Variants in EPG5 observed in about 807,000 individuals in gnomAD.
EPG5 encodes the protein ectopic P granules protein 5 homolog.
Under a neutral mutation model 302.7 loss-of-function variants are expected in EPG5, and 159 were observed. That is an observed-to-expected ratio of 0.53 (90% CI 0.46 to 0.60). The LOEUF is 0.60. Ranked by LOEUF, EPG5 falls within the 20% of genes least tolerant of loss-of-function variation. The pLI is 0.00. For missense variants in EPG5, 2,896 were observed against 3,092.4 expected (o/e 0.94, Z 1.51); for synonymous variants, 1,158 against 1,136.8 (o/e 1.02, Z -0.37).
intron 10 of EPG5, among the ~76,000 whole-genome samples, chr18:45,937,986 T>C (rs2050575263): frequency 6.6e-6 from 1 of 152,086 alleles, no homozygotes; most frequent in African/African-American, 2.4e-5. Context: ...GATGAGAGCT[T>C]TGCCTCTCCA....
At chr18:45,803,724 G>A in the EPG5 span, among the ~76,000 whole-genome samples, 1 of 151,972 alleles carries the variant, frequency 6.6e-6, no homozygotes, top group Non-Finnish European at 1.5e-5. Context: ...CCTATCTAAG[G>A]GTGAAAGAAC....
intron 36 of EPG5, 130 bp from the exon 37 acceptor site, chr18:45,867,878 C>T (rs2048780690): frequency 1.3e-6 from 1 of 750,558 alleles, no homozygotes; most frequent in South Asian, 1.6e-5. Flanking sequence ...CTTAGAATCC[C>T]ACCTCCTAGA....
At chr18:45,951,617 C>T (rs1237828065) in intron 3 of EPG5, among the ~76,000 whole-genome samples, 1 of 152,126 alleles carries the variant, frequency 6.6e-6, no homozygotes, top group East Asian at 1.9e-4. Flanking sequence ...TGCCACTACA[C>T]CCAGCTAGTT....
At chr18:45,830,845 G>T in the EPG5 span, among the ~76,000 whole-genome samples, 1 of 148,902 alleles carries the variant, frequency 6.7e-6, no homozygotes, top group South Asian at 2.1e-4. Flanking sequence ...TGATCTGCCC[G>T]CCTCAGCCTC....
intron 35 of EPG5, 151 bp downstream of exon 35, chr18:45,876,085 A>G: frequency 1.7e-6 from 1 of 597,728 alleles, no homozygotes; most frequent in South Asian, 2.1e-5. Context: ...AAAGTTACAC[A>G]CTTAACACTA....
chr18:45,824,652 C>T, the EPG5 span, among the ~76,000 whole-genome samples: 6,622 of 152,188 alleles, frequency 0.044, 292 homozygotes, highest in African/African-American at 0.12. Flanking sequence ...AGCCAAGGCA[C>T]GGCCAAAGGG....
At chr18:45,906,574 A>G (rs907536579) in intron 24 of EPG5, among the ~76,000 whole-genome samples, 2 of 151,762 alleles carry the variant, frequency 1.3e-5, no homozygotes, top group Non-Finnish European at 2.9e-5. Context: ...GCTCAGCTCA[A>G]AGGTCACCAC....
rs565777475 is a variant in EPG5, at chr18:45,955,397, G to A, written c.64-59C>T. The A allele has an allele frequency of 1.9e-5, 24 of 1,243,636 alleles. No homozygotes were observed. In the South Asian group the frequency reaches 3.7e-4, roughly 19 times the overall value. 77.0% of individuals were successfully genotyped at this position (1,243,636 alleles called of 1,614,324 possible). ...TCACAATAATTAATGCTTTCAGCAGGAGGAATTTTAAAGTTGCACATAAAA... is the reference window on the plus strand; with the variant it reads ...TCACAATAATTAATGCTTTCAGCAGAAGGAATTTTAAAGTTGCACATAAAA... On this transcript the variant is annotated intron_variant, in intron 1 of 43. Transcript: ENST00000282041.
At position 45,966,421 on chromosome 18, in the gene EPG5, T is replaced by C. The variant is rs140780701; in HGVS notation, c.63+756A>G. On this transcript the variant is annotated intron_variant, in intron 1 of 43. Coordinates refer to ENST00000282041, the MANE Select transcript of EPG5 (RefSeq NM_020964.3). ...ATATACATATATATACACACACACATATGTATATATGTACGTATATATGTA... is the reference window on the plus strand; with the variant it reads ...ATATACATATATATACACACACACACATGTATATATGTACGTATATATGTA... 4.5e-3 allele frequency among the ~76,000 whole-genome samples: 685 copies of C among 151,398 alleles called. 4 individuals carry two copies. Among genetic ancestry groups the C allele is most frequent in the African/African-American group, 0.015 (620 of 41,252 alleles).
At chr18:45,825,658 C>T in the EPG5 span, 193 of 1,561,814 alleles carry the variant, frequency 1.2e-4, no homozygotes, top group East Asian at 1.7e-3. Flanking sequence ...TCCCCCACCA[C>T]GCCTGGGAGG....
At chr18:45,959,923 G>C (rs2051112260) in intron 1 of EPG5, among the ~76,000 whole-genome samples, 1 of 152,116 alleles carries the variant, frequency 6.6e-6, no homozygotes, top group Non-Finnish European at 1.5e-5. Flanking sequence ...AGTTTGCAGT[G>C]AGCTGAGATT....
At chr18:45,901,234 G>T in intron 25 of EPG5, 67 bp from the exon 26 acceptor site, 1 of 1,350,232 alleles carries the variant, frequency 7.4e-7, no homozygotes, top group Non-Finnish European at 1.0e-6. Context: ...GAAGCATGTG[G>T]TACAATTCAG....
chr18:45,944,492 T>C (rs1195520264), intron 7 of EPG5, among the ~76,000 whole-genome samples: 1 of 152,146 alleles, frequency 6.6e-6, no homozygotes, highest in Non-Finnish European at 1.5e-5. Flanking sequence ...CGGTGGCTCA[T>C]GCCTATAATC....
At chr18:45,941,410 G>A (rs1320275882) in intron 9 of EPG5, among the ~76,000 whole-genome samples, 4 of 152,140 alleles carry the variant, frequency 2.6e-5, no homozygotes, top group African/African-American at 9.7e-5. Context: ...TTTGGGTAGC[G>A]GTGGGAGGAA....
At chr18:45,842,086 C>A in the EPG5 span, 1 of 1,613,028 alleles carries the variant, frequency 6.2e-7, no homozygotes, top group Non-Finnish European at 8.5e-7. Context: ...GATGATCATT[C>A]AACTTTCTCC....
At chr18:45,936,431 A>C (rs1000967988) in intron 10 of EPG5, among the ~76,000 whole-genome samples, 11 of 150,520 alleles carry the variant, frequency 7.3e-5, no homozygotes, top group African/African-American at 2.0e-4. Context: ...CCCAAGTCAG[A>C]ATCTGCTAAG....
intron 35 of EPG5, among the ~76,000 whole-genome samples, chr18:45,871,317 A>C (rs1452656516): frequency 1.3e-5 from 2 of 152,224 alleles, no homozygotes; most frequent in Non-Finnish European, 1.5e-5. Context: ...AGAAACTCTT[A>C]AACACTGTTG....
At chr18:45,881,804 G>A (rs1167563704) in intron 31 of EPG5, among the ~76,000 whole-genome samples, 1 of 152,086 alleles carries the variant, frequency 6.6e-6, no homozygotes, top group African/African-American at 2.4e-5. Flanking sequence ...CATTACATAT[G>A]GATAAAATTA....
At position 45,855,557 on chromosome 18, in the gene EPG5, C is replaced by T. The variant is rs771690475; in HGVS notation, c.7557+16G>A. 1 of 1,599,118 alleles carries T rather than the reference C, an allele frequency of 6.3e-7. No individual in the cohort carries two copies. Among genetic ancestry groups the T allele is most frequent in the East Asian group, 2.2e-5 (1 of 44,730 alleles). ...ATGTGCAGGCAAACTTCTAACCCTT[C>T]ATTGTATATACTGACCTGCTGAGCT... On this transcript the variant is annotated intron_variant, in intron 43 of 43. Coordinates refer to ENST00000282041, the MANE Select transcript of EPG5 (RefSeq NM_020964.3).
Sources: allele counts gnomAD v4.1 joint callset (sites outside exome capture counted in the v4.1 genomes callset), GRCh38; gene constraint gnomAD v4.1.1; transcripts MANE v1.5; gene names NCBI Gene and HGNC (gene_info 2026-07-23, HGNC 2026-07-21).